Variants in NOVA1 observed in about 807,000 individuals in gnomAD.
NOVA1 encodes the protein NOVA alternative splicing regulator 1, also known as RNA-binding protein Nova-1.
NOVA1 carries 7 observed loss-of-function variants against 38.0 expected under a neutral mutation model. The observed-to-expected ratio is 0.18, with a 90% CI of 0.10 to 0.35. The LOEUF is 0.35. Ranked by LOEUF, NOVA1 falls within the 10% of genes least tolerant of loss-of-function variation. The pLI is 1.00. For missense variants in NOVA1, 460 were observed against 616.0 expected (o/e 0.75, Z 2.68); for synonymous variants, 270 against 232.5 (o/e 1.16, Z -1.47).
Position 26,448,503 on chromosome 14 carries a change from T to A in NOVA1, c.980A>T (p.Tyr327Phe). ...SALNTLASYG[Y>F]NLNTLGLGLS... The stretch of plus-strand genomic sequence containing the variant: ...ACCTAAACCTAAAGTGTTGAGATTA[T>A]ATCCATAGCTGGCTAATGTATTAAG... The change falls in exon 5 of 5, where the codon TAT becomes TTT. Residue 327 changes from tyrosine (Y) to phenylalanine (F), a missense_variant. Coordinates refer to ENST00000539517, the MANE Select transcript of NOVA1 (RefSeq NM_002515.3). This position sits in a 1 kb window ranked among gnomAD's most constrained non-coding sequence, Gnocchi z 5.3. The A allele has an allele frequency of 6.2e-7, 1 of 1,614,186 alleles. No individual in the cohort carries two copies. The highest frequency in any genetic ancestry group is 8.5e-7 in the Non-Finnish European group (1 of 1,180,040).
At chr14:26,549,728 G>C (rs1300332231) in intron 2 of NOVA1, 1 of 1,288,856 alleles carries the variant, frequency 7.8e-7, no homozygotes. Context: ...TGGCACAGTG[G>C]AGAAATACCT....
In NOVA1 at chr14:26,595,484, C is replaced by T. The variant is rs200041109; in HGVS notation, c.206G>A (p.Gly69Glu). Residue 69 changes from glycine to glutamate, a missense_variant, in exon 2 of 5, where the codon GGA becomes GAA. Transcript: ENST00000539517. ...YAAGSIIGKG[G>E]QTIVQLQKET... Reference sequence around the variant, plus strand: ...TTTTTGCAACTGAACAATTGTCTGTCCTCCCTTCCCAATTATAGATCCAGC... The same window carrying T: ...TTTTTGCAACTGAACAATTGTCTGTTCTCCCTTCCCAATTATAGATCCAGC... 6.2e-7 allele frequency: 1 copy of T among 1,613,844 alleles called. No individual in the cohort carries two copies. The highest frequency in any genetic ancestry group is 1.3e-5 in the African/African-American group (1 of 75,010).
chr14:26,507,596 T>A (rs1026889938), intron 2 of NOVA1, among the ~76,000 whole-genome samples: 4 of 152,176 alleles, frequency 2.6e-5, no homozygotes, highest in African/African-American at 9.6e-5. Context: ...AAACAGATAT[T>A]TTCAAATAGC....
At chr14:26,472,098 A>G (rs960841217) in intron 4 of NOVA1, 6 of 456,212 alleles carry the variant, frequency 1.3e-5, no homozygotes, top group African/African-American at 1.2e-4. Flanking sequence ...ATAAAAAATT[A>G]GAGTAGTTTA....
intron 2 of NOVA1, among the ~76,000 whole-genome samples, chr14:26,586,937 T>C (rs1364437781): frequency 6.7e-6 from 1 of 149,056 alleles, no homozygotes; most frequent in East Asian, 2.0e-4. Context: ...AGAACATATA[T>C]TCATTTTAAG....
chr14:26,511,141 T>C (rs1305659617), intron 2 of NOVA1, among the ~76,000 whole-genome samples: 4 of 152,150 alleles, frequency 2.6e-5, no homozygotes, highest in East Asian at 3.9e-4. Flanking sequence ...TGTTGAATAA[T>C]TGGGAAAATT....
At chr14:26,571,510 TATG>T (rs1300964931) in intron 2 of NOVA1, among the ~76,000 whole-genome samples, 1 of 152,150 alleles carries the variant, frequency 6.6e-6, no homozygotes, top group Admixed American at 6.6e-5. Flanking sequence ...TCTAGCACCA[TATG>T]ATATGAGTCA....
intron 2 of NOVA1, among the ~76,000 whole-genome samples, chr14:26,513,169 T>C (rs1432875109): frequency 6.6e-6 from 1 of 151,990 alleles, no homozygotes; most frequent in Admixed American, 6.6e-5. Flanking sequence ...CCTATAATGT[T>C]CTTATAAAAG....
At chr14:26,550,446 A>C (rs1594517301) in intron 2 of NOVA1, among the ~76,000 whole-genome samples, 1 of 152,318 alleles carries the variant, frequency 6.6e-6, no homozygotes, top group African/African-American at 2.4e-5. Flanking sequence ...CCCTAAACAC[A>C]GTCTTCATCC....
At chr14:26,591,143 G>A (rs1893819098) in intron 2 of NOVA1, among the ~76,000 whole-genome samples, 1 of 151,394 alleles carries the variant, frequency 6.6e-6, no homozygotes, top group African/African-American at 2.4e-5. Context: ...CTTAAAGTAA[G>A]AAAATAAAGT....
chr14:26,504,101 T>C (rs1887448647), intron 2 of NOVA1, among the ~76,000 whole-genome samples: 1 of 152,292 alleles, frequency 6.6e-6, no homozygotes, highest in African/African-American at 2.4e-5. Flanking sequence ...GATAAAAGTA[T>C]AAGTCATTCA....
chr14:26,449,018 A>G, intron 4 of NOVA1, 55 bp from the exon 5 acceptor site: 3 of 1,454,112 alleles, frequency 2.1e-6, no homozygotes, highest in Non-Finnish European at 2.8e-6. Flanking sequence ...CATATACATT[A>G]TATTACTTTG....
At chr14:26,524,206 T>C (rs1354375724) in intron 2 of NOVA1, among the ~76,000 whole-genome samples, 1 of 152,176 alleles carries the variant, frequency 6.6e-6, no homozygotes, top group African/African-American at 2.4e-5. Context: ...TTCTAAAACC[T>C]AGCTATAACA....
chr14:26,582,310 C>T (rs1043015836), intron 2 of NOVA1, among the ~76,000 whole-genome samples: 2 of 151,730 alleles, frequency 1.3e-5, no homozygotes, highest in Non-Finnish European at 3.0e-5. Flanking sequence ...ATTTTTAACG[C>T]AATCTCCTGA....
chr14:26,455,290 C>G (rs968032015), intron 4 of NOVA1, among the ~76,000 whole-genome samples: 1 of 152,098 alleles, frequency 6.6e-6, no homozygotes, highest in African/African-American at 2.4e-5. Context: ...TCTATATGTT[C>G]TATTATGTGC....
At chr14:26,574,270 C>G (rs1413055173) in intron 2 of NOVA1, among the ~76,000 whole-genome samples, 1 of 82,868 alleles carries the variant, frequency 1.2e-5, no homozygotes, top group Non-Finnish European at 2.3e-5. Flanking sequence ...GTGATCCACC[C>G]CCCCCCCCCC....
At chr14:26,570,559 GTGTATGTGTATACATATGTGTATGTGTAC>G (rs1250116544) in intron 2 of NOVA1, among the ~76,000 whole-genome samples, 1 of 145,416 alleles carries the variant, frequency 6.9e-6, no homozygotes, top group Non-Finnish European at 1.5e-5. Flanking sequence ...ATTTGTATAT[GTGTATGTGTATACATATGTGTATGTGTAC>G]TGTATGTGTA....
intron 2 of NOVA1, among the ~76,000 whole-genome samples, chr14:26,539,133 C>T (rs971946490): frequency 5.9e-5 from 9 of 152,094 alleles, no homozygotes; most frequent in African/African-American, 1.9e-4. Flanking sequence ...ACACATCTCC[C>T]TCTTCTTTTA....
chr14:26,547,229 C>A (rs1890847822), intron 2 of NOVA1, among the ~76,000 whole-genome samples: 1 of 151,936 alleles, frequency 6.6e-6, no homozygotes, highest in African/African-American at 2.4e-5. Flanking sequence ...ACAATTCTGG[C>A]CTTTCACAGT....
Sources: allele counts gnomAD v4.1 joint callset (sites outside exome capture counted in the v4.1 genomes callset), GRCh38; gene constraint gnomAD v4.1.1; non-coding constraint Gnocchi (gnomAD v3.1); transcripts MANE v1.5; gene names NCBI Gene and HGNC (gene_info 2026-07-23, HGNC 2026-07-21).